Variants in CCAR1 observed in about 807,000 individuals in gnomAD.
CCAR1 encodes the protein cell division cycle and apoptosis regulator protein 1.
Under a neutral mutation model 163.8 loss-of-function variants are expected in CCAR1, and 78 were observed. The ratio of observed to expected loss-of-function variants is 0.48; its 90% CI spans 0.40 to 0.57. CCAR1 has a LOEUF of 0.57. CCAR1 is among the 20% of genes least tolerant of loss of function. The pLI is 0.00. For synonymous variants in CCAR1, 443 were observed against 460.7 expected (o/e 0.96, Z 0.49); for missense variants, 1,019 against 1,365.2 (o/e 0.75, Z 4.00).
chr10:68,734,080 A>G (rs1469576835), intron 2 of CCAR1, among the ~76,000 whole-genome samples: 5 of 151,646 alleles, frequency 3.3e-5, no homozygotes, highest in Admixed American at 6.6e-5. Flanking sequence ...ATTTTTTTTT[A>G]TTTTAAATGA....
intron 2 of CCAR1, among the ~76,000 whole-genome samples, chr10:68,729,922 CTT>C (rs10708519): frequency 1.0e-4 from 15 of 149,134 alleles, no homozygotes; most frequent in Non-Finnish European, 1.3e-4. Flanking sequence ...AGATGACTCA[CTT>C]TTTTTTTTTA....
At chr10:68,758,771 C>T (rs757852508) in intron 15 of CCAR1, among the ~76,000 whole-genome samples, 1 of 151,470 alleles carries the variant, frequency 6.6e-6, no homozygotes, top group Non-Finnish European at 1.5e-5. Flanking sequence ...CTCCCGGGTT[C>T]AAGAGATTCT....
intron 10 of CCAR1, among the ~76,000 whole-genome samples, chr10:68,751,033 GT>G (rs11402292): frequency 1.6e-4 from 22 of 141,608 alleles, no homozygotes; most frequent in South Asian, 2.3e-4. Flanking sequence ...TTTTGTTTTT[GT>G]TTTTTTTTTT....
intron 10 of CCAR1, among the ~76,000 whole-genome samples, chr10:68,751,297 G>A (rs113207938): frequency 0.029 from 4,476 of 152,082 alleles, 79 homozygotes; most frequent in Non-Finnish European, 0.042. Flanking sequence ...AAAGTGCTGG[G>A]ATTACAGGTG....
In CCAR1 at chr10:68,791,426, G is replaced by C; in HGVS notation, c.*160G>C. 1 of 471,124 alleles carries C rather than the reference G, an allele frequency of 2.1e-6. No individual in the cohort carries two copies. The highest frequency in any genetic ancestry group is 3.8e-5 in the South Asian group (1 of 26,226). The allele number at this position is 471,124 out of a possible 1,614,324, so 29.2% of individuals were successfully genotyped here. A position where few individuals can be genotyped will look rare whatever the true frequency, so the allele number is the denominator to read the frequency against. On this transcript the variant is annotated 3_prime_UTR_variant, in exon 25 of 25. Transcript: ENST00000265872. ...TTTATGAATGTGAGTTTCTGCTTTTGAAAATTGCTTGTAATTCCTAGCCTT... is the reference window on the plus strand; with the variant it reads ...TTTATGAATGTGAGTTTCTGCTTTTCAAAATTGCTTGTAATTCCTAGCCTT...
intron 19 of CCAR1, among the ~76,000 whole-genome samples, chr10:68,778,024 G>A (rs1485439980): frequency 6.6e-6 from 1 of 152,108 alleles, no homozygotes; most frequent in Non-Finnish European, 1.5e-5. Context: ...TTCGAGACTA[G>A]CCTGACCAAC....
At chr10:68,772,917 C>T (rs987943589) in intron 18 of CCAR1, 71 bp from the exon 19 acceptor site, 10 of 747,442 alleles carry the variant, frequency 1.3e-5, no homozygotes, top group African/African-American at 5.5e-5. Flanking sequence ...TGGAGACCAG[C>T]GTGGGCAATA....
intron 16 of CCAR1, among the ~76,000 whole-genome samples, chr10:68,765,593 G>A (rs1007654310): frequency 2.6e-5 from 4 of 151,900 alleles, no homozygotes; most frequent in African/African-American, 7.3e-5. Flanking sequence ...ACTATTTTCC[G>A]AGAATTTTCT....
intron 19 of CCAR1, among the ~76,000 whole-genome samples, chr10:68,773,995 C>T (rs376829396): frequency 7.2e-5 from 11 of 151,770 alleles, no homozygotes; most frequent in Admixed American, 4.6e-4. Context: ...CGGGTTCAAG[C>T]GATTCTCCTG....
At chr10:68,770,000 T>G (rs2056583038) in intron 17 of CCAR1, among the ~76,000 whole-genome samples, 1 of 151,968 alleles carries the variant, frequency 6.6e-6, no homozygotes, top group Non-Finnish European at 1.5e-5. Flanking sequence ...CTATAGCCCA[T>G]TATCTGTGGA....
chr10:68,788,456 G>A (rs567822162), intron 23 of CCAR1, 128 bp downstream of exon 23: 7 of 535,776 alleles, frequency 1.3e-5, no homozygotes, highest in African/African-American at 7.9e-5. Flanking sequence ...TATTTTCATC[G>A]AAGTACATAA....
chr10:68,766,564 T>C (rs970101707), intron 17 of CCAR1, among the ~76,000 whole-genome samples: 1 of 151,552 alleles, frequency 6.6e-6, no homozygotes, highest in Non-Finnish European at 1.5e-5. Flanking sequence ...TTCACTCTTA[T>C]TGTCCAGGCT....
At chr10:68,757,898 G>T (rs769911659) in intron 15 of CCAR1, among the ~76,000 whole-genome samples, 2 of 151,754 alleles carry the variant, frequency 1.3e-5, no homozygotes, top group African/African-American at 2.4e-5. Context: ...CTGCCACCAC[G>T]CCCGGCTAAT....
chr10:68,758,678 T>C (rs929197150), intron 15 of CCAR1, among the ~76,000 whole-genome samples: 1 of 14,802 alleles, frequency 6.8e-5, no homozygotes, highest in Admixed American at 8.4e-4. Context: ...TATACACACG[T>C]GTATATATAT....
At chr10:68,735,117 G>A (rs1034223707) in intron 2 of CCAR1, among the ~76,000 whole-genome samples, 1 of 152,140 alleles carries the variant, frequency 6.6e-6, no homozygotes, top group Non-Finnish European at 1.5e-5. Context: ...GGATCCCGAA[G>A]CAGGTGGATT....
intron 10 of CCAR1, among the ~76,000 whole-genome samples, chr10:68,752,214 G>T (rs79954101): frequency 2.0e-4 from 30 of 152,082 alleles, no homozygotes; most frequent in African/African-American, 5.3e-4. Context: ...CACCGCACCC[G>T]GCCTCACAGT....
At chr10:68,752,730 T>C (rs984892645) in intron 10 of CCAR1, among the ~76,000 whole-genome samples, 1 of 152,150 alleles carries the variant, frequency 6.6e-6, no homozygotes, top group African/African-American at 2.4e-5. Context: ...TAGCCACATG[T>C]GGTAGTGCAC....
intron 2 of CCAR1, among the ~76,000 whole-genome samples, chr10:68,732,502 A>C (rs2133312497): frequency 6.6e-6 from 1 of 152,020 alleles, no homozygotes; most frequent in East Asian, 1.9e-4. Context: ...GGTGTGCACC[A>C]CCATGCCCAG....
At chr10:68,722,898 G>C (rs1391968513) in intron 2 of CCAR1, among the ~76,000 whole-genome samples, 1 of 151,614 alleles carries the variant, frequency 6.6e-6, no homozygotes, top group Non-Finnish European at 1.5e-5. Context: ...CTCCAGCCTG[G>C]GCGACAGAGA....
Sources: gnomAD v4.1 joint callset for allele counts (sites outside exome capture counted in the v4.1 genomes callset) on GRCh38, gnomAD v4.1.1 for gene constraint, MANE v1.5 for transcripts, NCBI Gene and HGNC (gene_info 2026-07-23, HGNC 2026-07-21) for gene names.